KLF12: variants seen among roughly 807,000 people sequenced by gnomAD.
The protein encoded by KLF12 is Krueppel-like factor 12.
Under a neutral mutation model 37.8 loss-of-function variants are expected in KLF12, and 9 were observed. The ratio of observed to expected loss-of-function variants is 0.24; its 90% confidence interval spans 0.14 to 0.42. KLF12 has a LOEUF of 0.42. Among genes scored for constraint, KLF12 ranks in the 10% least tolerant of loss-of-function variants. The pLI is 1.00. For missense variants in KLF12, 411 were observed against 516.0 expected, an observed-to-expected ratio of 0.80 and a Z score of 1.97; for synonymous variants, 208 against 202.1, an observed-to-expected ratio of 1.03 and a Z score of -0.25.
intron 3 of KLF12, among the ~76,000 whole-genome samples, chr13:73,871,997 G>A (rs1444953152): frequency 3.3e-5 from 5 of 152,122 alleles, no homozygotes; most frequent in African/African-American, 7.2e-5. Context: ...TGTGGAGTTC[G>A]TGGAAGTGAT....
At chr13:73,709,066 A>G (rs1372215474) in intron 7 of KLF12, among the ~76,000 whole-genome samples, 3 of 152,222 alleles carry the variant, frequency 2.0e-5, no homozygotes, top group African/African-American at 7.2e-5. Flanking sequence ...ATACTTGGTC[A>G]CATCTTCGTG....
rs543483701 is a variant in KLF12 at position 73,717,141 on chromosome 13, GA to G, written c.870-1617del. On this transcript the variant is annotated intron_variant, in intron 6 of 7. Coordinates refer to ENST00000377669, the MANE Select transcript of KLF12 (RefSeq NM_007249.5). ...AGCTATAGATTATATATAAACAAATGAATGTCGTTATGTTCCAATGAAACTT... is the reference window on the plus strand; with the variant it reads ...AGCTATAGATTATATATAAACAAATGATGTCGTTATGTTCCAATGAAACTT... Among the ~76,000 whole-genome samples the G allele has an allele frequency of 2.6e-3, 390 of 152,260 alleles. 1 individual carries two copies. Among genetic ancestry groups the G allele is most frequent in the African/African-American group, 8.8e-3 (364 of 41,542 alleles).
chr13:74,227,361 C>T, the KLF12 span, among the ~76,000 whole-genome samples: 16 of 152,244 alleles, frequency 1.1e-4, no homozygotes, highest in East Asian at 2.9e-3. Context: ...CACATAAACT[C>T]TTGGAGAAAA....
At position 73,870,653 on chromosome 13, in the gene KLF12, C is replaced by T. The variant is rs1006751555; in HGVS notation, c.124-24280G>A. ...GATATCCATAATGCTAGAACATTTG[C>T]CTTCAGAGACCTGATGAGGCTGAAG... On this transcript the variant is annotated intron_variant, in intron 3 of 7. Transcript: ENST00000377669. 1.1e-4 allele frequency among the ~76,000 whole-genome samples: 17 copies of T among 152,296 alleles called. 1 individual carries two copies. The East Asian group carries it at 2.9e-3, about 26-fold the overall frequency.
intron 2 of KLF12, among the ~76,000 whole-genome samples, chr13:73,962,966 T>C (rs1593786625): frequency 6.6e-6 from 1 of 152,222 alleles, no homozygotes; most frequent in East Asian, 1.9e-4. Context: ...TAAGCATACT[T>C]GTAACAGAGA....
At position 73,717,536 on chromosome 13, in the gene KLF12, T is replaced by A. The variant is rs80297897; in HGVS notation, c.870-2011A>T. Among the ~76,000 whole-genome samples the A allele has an allele frequency of 2.6e-3, 393 of 152,340 alleles. 1 individual carries two copies. Among genetic ancestry groups the A allele is most frequent in the African/African-American group, 8.8e-3 (367 of 41,580 alleles). On this transcript the variant is annotated intron_variant, in intron 6 of 7. Transcript: ENST00000377669. Reference sequence around the variant, plus strand: ...TGTCTTCAGATTTCAGTGTACCTTCTCCCTTTTACTAATAAATTAGGCAAA... The same window carrying A: ...TGTCTTCAGATTTCAGTGTACCTTCACCCTTTTACTAATAAATTAGGCAAA...
At chr13:74,151,467 A>C in the KLF12 span, among the ~76,000 whole-genome samples, 1 of 152,064 alleles carries the variant, frequency 6.6e-6, no homozygotes, top group African/African-American at 2.4e-5. Context: ...CCTGGGCAAC[A>C]ATGCGAAAAC....
At chr13:74,166,634 C>T in the KLF12 span, among the ~76,000 whole-genome samples, 4,001 of 152,266 alleles carry the variant, frequency 0.026, 79 homozygotes, top group Middle Eastern at 0.075. Flanking sequence ...CCCCTATCTA[C>T]ATGTATTTTT....
intron 1 of KLF12, among the ~76,000 whole-genome samples, chr13:74,045,513 C>A (rs1893519088): frequency 6.6e-6 from 1 of 151,934 alleles, no homozygotes; most frequent in Admixed American, 6.5e-5. Flanking sequence ...TAGACAGGAT[C>A]CTGGAACTCA....
chr13:74,291,911 T>C, the KLF12 span, among the ~76,000 whole-genome samples: 5 of 152,214 alleles, frequency 3.3e-5, no homozygotes, highest in Non-Finnish European at 7.4e-5. Context: ...TCAGAACTTA[T>C]TGTTTGCAGA....
At chr13:74,026,734 C>A (rs967578383) in intron 1 of KLF12, among the ~76,000 whole-genome samples, 1 of 152,080 alleles carries the variant, frequency 6.6e-6, no homozygotes, top group Non-Finnish European at 1.5e-5. Context: ...CGATTCTAAC[C>A]TTCTGTAATT....
At chr13:73,846,828 C>T (rs960259914) in intron 3 of KLF12, among the ~76,000 whole-genome samples, 17 of 152,054 alleles carry the variant, frequency 1.1e-4, no homozygotes, top group African/African-American at 4.1e-4. Flanking sequence ...TAAAAAAGGG[C>T]ATAAAGTTCT....
chr13:73,998,340 G>C (rs1892176126), intron 1 of KLF12, among the ~76,000 whole-genome samples: 1 of 152,124 alleles, frequency 6.6e-6, no homozygotes, highest in Non-Finnish European at 1.5e-5. Flanking sequence ...TATACTTGTT[G>C]CTAGATCCTC....
intron 3 of KLF12, among the ~76,000 whole-genome samples, chr13:73,860,184 T>C (rs1016267247): frequency 8.5e-5 from 13 of 152,182 alleles, no homozygotes; most frequent in African/African-American, 2.9e-4. Flanking sequence ...ACAGTTCAGG[T>C]GTCTGTTATC....
At chr13:74,257,466 C>G in the KLF12 span, 21 of 152,194 alleles carry the variant, frequency 1.4e-4, no homozygotes, top group African/African-American at 5.1e-4. Flanking sequence ...ATTCAGCTGA[C>G]CGCAAGAGCT....
the KLF12 span, among the ~76,000 whole-genome samples, chr13:74,207,087 G>A: frequency 1.3e-5 from 2 of 152,190 alleles, no homozygotes; most frequent in Admixed American, 1.3e-4. Context: ...ATCTCATAGT[G>A]GAAAGGCAAA....
intron 7 of KLF12, among the ~76,000 whole-genome samples, chr13:73,696,956 T>A (rs951789761): frequency 1.3e-5 from 2 of 152,148 alleles, no homozygotes; most frequent in Non-Finnish European, 2.9e-5. Flanking sequence ...CCATGAAGAT[T>A]TCGTTTAGAC....
At chr13:73,861,941 T>C (rs1269649828) in intron 3 of KLF12, among the ~76,000 whole-genome samples, 1 of 152,156 alleles carries the variant, frequency 6.6e-6, no homozygotes, top group Non-Finnish European at 1.5e-5. Flanking sequence ...TTATTACCTA[T>C]ATATACAAAT....
intron 2 of KLF12, among the ~76,000 whole-genome samples, chr13:73,961,004 T>G (rs758924677): frequency 2.0e-4 from 31 of 152,128 alleles, no homozygotes; most frequent in Non-Finnish European, 4.1e-4. Context: ...TTTAAAGATC[T>G]TACTCATAGG....
Sources: allele counts gnomAD v4.1 joint callset (sites outside exome capture counted in the v4.1 genomes callset), GRCh38; gene constraint gnomAD v4.1.1; transcripts MANE v1.5; gene names NCBI Gene and HGNC (gene_info 2026-07-23, HGNC 2026-07-21).